TUSC3: variants seen among roughly 807,000 people sequenced by gnomAD.
TUSC3 encodes dolichyl-diphosphooligosaccharide--protein glycosyltransferase subunit TUSC3.
In TUSC3, 45 loss-of-function variants were observed where a neutral mutation model predicts 44.8. That is an observed-to-expected ratio of 1.00 (90% CI 0.79 to 1.29). TUSC3 has a LOEUF of 1.29. TUSC3 is among the 50% of genes most tolerant of loss of function. The pLI, the probability that TUSC3 is intolerant of heterozygous loss-of-function variation, is 0.00. For missense variants in TUSC3, 519 were observed against 437.9 expected (o/e 1.19, Z -1.65); for synonymous variants, 212 against 152.9 (o/e 1.39, Z -2.85).
In TUSC3 at chr8:15,682,519, C is replaced by T. The variant is rs896018389; in HGVS notation, c.798+8683C>T. Among the ~76,000 whole-genome samples, 4 of 151,924 alleles carry T rather than the reference C, an allele frequency of 2.6e-5. No homozygotes were observed. The South Asian group carries it at 8.3e-4, about 32-fold the overall frequency. On this transcript the variant is annotated intron_variant, in intron 6 of 10. Coordinates refer to ENST00000503731, the MANE Select transcript of TUSC3 (RefSeq NM_006765.4). ...TTGGTTTTTCATTTGAGTGTTAGAT[C>T]GTTTTCCATTACTTTGAGCCTGTGA...
the TUSC3 span, among the ~76,000 whole-genome samples, chr8:15,849,258 T>C: frequency 6.6e-6 from 1 of 152,172 alleles, no homozygotes; most frequent in Non-Finnish European, 1.5e-5. Context: ...GTATTCCACC[T>C]CTAAAAATAT....
chr8:15,703,829 C>T (rs969420311), intron 6 of TUSC3, among the ~76,000 whole-genome samples: 10 of 152,128 alleles, frequency 6.6e-5, no homozygotes, highest in African/African-American at 9.7e-5. Flanking sequence ...ATGGGGATCA[C>T]ATTTCAACAT....
At chr8:15,772,831 G>A in the TUSC3 span, among the ~76,000 whole-genome samples, 1 of 152,100 alleles carries the variant, frequency 6.6e-6, no homozygotes, top group African/African-American at 2.4e-5. Flanking sequence ...CCAGAAATGC[G>A]AAGGTGGTTC....
At chr8:15,653,821 C>T (rs1807027159) in intron 3 of TUSC3, among the ~76,000 whole-genome samples, 1 of 152,148 alleles carries the variant, frequency 6.6e-6, no homozygotes, top group Non-Finnish European at 1.5e-5. Flanking sequence ...AGTACTGTCT[C>T]TGAATTGATG....
chr8:15,458,692 C>T (rs115029681), intron 1 of TUSC3, among the ~76,000 whole-genome samples: 2,732 of 152,300 alleles, frequency 0.018, 87 homozygotes, highest in African/African-American at 0.062. Flanking sequence ...GCATGCTCCT[C>T]CTCCCGACTT....
At chr8:15,617,133 T>TGTGTGTGTGTGTGTGTGTG (rs1805025504) in intron 1 of TUSC3, among the ~76,000 whole-genome samples, 1 of 64,172 alleles carries the variant, frequency 1.6e-5, no homozygotes, top group African/African-American at 4.8e-5. Context: ...TGTGTGTGTG[T>TGTGTGTGTGTGTGTGTGTG]ATATATTTTT....
chr8:15,540,379 G>A lies in TUSC3; in HGVS notation c.-52G>A. The A allele has an allele frequency of 6.7e-7, 1 of 1,481,648 alleles. No homozygotes were observed. Among genetic ancestry groups the A allele is most frequent in the Non-Finnish European group, 9.0e-7 (1 of 1,112,082 alleles). The allele number at this position is 1,481,648 out of a possible 1,614,324, so 91.8% of individuals were successfully genotyped here. ...GGCCGGGCAGGCGTGGTGCGCGGTA[G>A]GAGCTGGGCGCGCACGGCTACCGCG... On this transcript the variant is annotated 5_prime_UTR_variant, in exon 1 of 11. Coordinates refer to ENST00000503731, the MANE Select transcript of TUSC3 (RefSeq NM_006765.4).
chr8:15,486,992 T>C (rs1471563861), intron 2 of TUSC3, among the ~76,000 whole-genome samples: 1 of 152,150 alleles, frequency 6.6e-6, no homozygotes, highest in Non-Finnish European at 1.5e-5. Context: ...ACTATCTTAT[T>C]TGAAGAAGCA....
chr8:15,479,776 A>G (rs1355867625), intron 1 of TUSC3, among the ~76,000 whole-genome samples: 1 of 152,064 alleles, frequency 6.6e-6, no homozygotes, highest in Non-Finnish European at 1.5e-5. Flanking sequence ...CTCTTTTTCA[A>G]CATAGTTTTG....
At chr8:15,590,312 A>G (rs1178204790) in intron 1 of TUSC3, among the ~76,000 whole-genome samples, 1 of 152,136 alleles carries the variant, frequency 6.6e-6, no homozygotes, top group East Asian at 1.9e-4. Context: ...ATAGCCAGTT[A>G]ATGGCAAAGA....
At chr8:15,606,232 G>A (rs756272732) in intron 1 of TUSC3, among the ~76,000 whole-genome samples, 4 of 152,000 alleles carry the variant, frequency 2.6e-5, no homozygotes, top group African/African-American at 7.2e-5. Flanking sequence ...GTAAACAGGT[G>A]ACAGAAACTT....
At chr8:15,780,879 G>A in the TUSC3 span, among the ~76,000 whole-genome samples, 2,955 of 152,278 alleles carry the variant, frequency 0.019, 101 homozygotes, top group African/African-American at 0.066. Context: ...TGAAAAGATA[G>A]AGGGTATGCA....
intron 2 of TUSC3, among the ~76,000 whole-genome samples, chr8:15,499,798 C>A (rs552483452): frequency 6.6e-6 from 1 of 152,220 alleles, no homozygotes; most frequent in African/African-American, 2.4e-5. Context: ...TCTTTTTCCT[C>A]CCTGCAGCTT....
At position 15,757,580 on chromosome 8, in the gene TUSC3, C is replaced by T. The variant is rs11989862; in HGVS notation, c.1029-211C>T. On this transcript the variant is annotated intron_variant, in intron 9 of 10. Transcript: ENST00000503731. Reference sequence around the variant, plus strand: ...GTCTCAACCTTTCTCATGCTGAGTCCTGGCTTTGTAAAATGACTTATAAAG... The same window carrying T: ...GTCTCAACCTTTCTCATGCTGAGTCTTGGCTTTGTAAAATGACTTATAAAG... 0.3 allele frequency among the ~76,000 whole-genome samples: 45,487 copies of T among 151,936 alleles called. 7,184 individuals are homozygous for T. Among genetic ancestry groups the T allele is most frequent in the Admixed American group, 0.41 (6,207 of 15,248 alleles).
chr8:15,608,618 G>C (rs1195605637), intron 1 of TUSC3, among the ~76,000 whole-genome samples: 10 of 152,072 alleles, frequency 6.6e-5, no homozygotes, highest in Admixed American at 6.6e-4. Context: ...TATGGGGGTG[G>C]TTTCCCCCAT....
the TUSC3 span, among the ~76,000 whole-genome samples, chr8:15,803,331 T>A: frequency 6.6e-6 from 1 of 152,150 alleles, no homozygotes; most frequent in Non-Finnish European, 1.5e-5. Flanking sequence ...AGTACTATCA[T>A]CCTAATTAGA....
chr8:15,513,693 G>A (rs1054448558), intron 2 of TUSC3, among the ~76,000 whole-genome samples: 3 of 151,862 alleles, frequency 2.0e-5, no homozygotes, highest in African/African-American at 7.2e-5. Flanking sequence ...AAAGTCTGGT[G>A]TGTTACCTGG....
chr8:15,733,430 T>G, intron 7 of TUSC3: 1 of 386,926 alleles, frequency 2.6e-6, no homozygotes, highest in South Asian at 2.0e-5. Flanking sequence ...AAGTGATGAC[T>G]ATCGAAACAC....
At chr8:15,434,738 G>A (rs998138807) in intron 1 of TUSC3, among the ~76,000 whole-genome samples, 7 of 150,956 alleles carry the variant, frequency 4.6e-5, no homozygotes, top group South Asian at 2.1e-4. Context: ...TGCTGTGTCC[G>A]TGTGTTCTCA....
Sources: gnomAD v4.1 joint callset for allele counts (sites outside exome capture counted in the v4.1 genomes callset) on GRCh38, gnomAD v4.1.1 for gene constraint, MANE v1.5 for transcripts, NCBI Gene and HGNC (gene_info 2026-07-23, HGNC 2026-07-21) for gene names.